Variants in GZMH observed in about 807,000 individuals in gnomAD.
The protein encoded by GZMH is granzyme H, also known as cathepsin G-like 2, protein h-CCPX.
Under a neutral mutation model 20.7 loss-of-function variants are expected in GZMH, and 24 were observed. The ratio of observed to expected loss-of-function variants is 1.16; its 90% CI spans 0.84 to 1.63. The LOEUF (loss-of-function observed/expected upper bound fraction) is 1.63. GZMH is among the 40% of genes most tolerant of loss of function. GZMH has a pLI of 0.00. For missense variants in GZMH, 344 were observed against 302.7 expected, an observed-to-expected ratio of 1.14 and a Z score of -1.01; for synonymous variants, 119 against 116.1, an observed-to-expected ratio of 1.02 and a Z score of -0.16.
chr14:24,608,345 C>T lies in GZMH; in HGVS notation c.123G>A (p.Leu41=). ...SRPYMAFVQF[L]QEKSRKRCGG... is the part of the protein sequence containing the mutation. ...CACACCTCTTCCGACTCTTCTCTTG[C>T]AGAAACTGAACAAAGGCCATGTAGG... The change falls in exon 2 of 5, where the codon CTG becomes CTA. Residue 41 remains leucine, a synonymous_variant. Coordinates refer to ENST00000216338, the MANE Select transcript of GZMH (RefSeq NM_033423.5). The T allele has an allele frequency of 6.2e-7, 1 of 1,614,222 alleles. No homozygotes were observed. Among genetic ancestry groups the T allele is most frequent in the Non-Finnish European group, 8.5e-7 (1 of 1,180,026 alleles).
intron 4 of GZMH, 140 bp downstream of exon 4, chr14:24,607,009 C>T (rs1352402463): frequency 1.1e-6 from 1 of 911,858 alleles, no homozygotes; most frequent in Non-Finnish European, 1.7e-6. Flanking sequence ...AAGGAGTGGA[C>T]TAAAGACTAG....
intron 4 of GZMH, 151 bp downstream of exon 4, chr14:24,606,998 C>G: frequency 1.2e-6 from 1 of 841,236 alleles, no homozygotes; most frequent in Non-Finnish European, 1.9e-6. Context: ...CCAGTCCACC[C>G]AAGGAGTGGA....
chr14:24,607,060 G>T, intron 4 of GZMH, 89 bp downstream of exon 4: 1 of 1,344,714 alleles, frequency 7.4e-7, no homozygotes, highest in Non-Finnish European at 1.0e-6. Context: ...TGGGCTGAGA[G>T]CATAAAGATC....
intron 4 of GZMH, 150 bp from the exon 5 acceptor site, chr14:24,606,896 G>T: frequency 1.3e-6 from 1 of 794,644 alleles, no homozygotes; most frequent in Non-Finnish European, 2.0e-6. Context: ...GTGCTTTCTG[G>T]CTCTCCCCAG....
chr14:24,608,297 G>C lies in GZMH; in HGVS notation c.171C>G (p.Asp57Glu). The C allele has an allele frequency of 6.2e-7, 1 of 1,614,198 alleles. No individual in the cohort carries two copies. ...GGCAGTGAGCAGCTGTCAGCACAAAGTCCTTTCTCACTAGGATGCCGCCAC... is the reference window on the plus strand; with the variant it reads ...GGCAGTGAGCAGCTGTCAGCACAAACTCCTTTCTCACTAGGATGCCGCCAC... Reference protein sequence around the residue: ...KRCGGILVRKDFVLTAAHCQG... With the variant: ...KRCGGILVRKEFVLTAAHCQG... The change falls in exon 2 of 5, where the codon GAC becomes GAG. Residue 57 changes from aspartate to glutamate, a missense_variant. By Grantham distance (45) the Asp-to-Glu change is conservative. Transcript: ENST00000216338.
chr14:24,609,489 A>G, intron 1 of GZMH, 70 bp downstream of exon 1: 1 of 983,596 alleles, frequency 1.0e-6, no homozygotes, highest in Admixed American at 2.5e-5. Context: ...AAAATTCCTG[A>G]CCAGTGCTCA....
At position 24,606,497 on chromosome 14, in the gene GZMH, A is replaced by T; in HGVS notation, c.*106T>A. The T allele has an allele frequency of 2.2e-6, 2 of 905,440 alleles. No homozygotes were observed. The highest frequency in any genetic ancestry group is 2.5e-5 in the East Asian group (1 of 40,616). The allele number at this position is 905,440 out of a possible 1,614,324, so 56.1% of individuals were successfully genotyped here. A position where few individuals can be genotyped will look rare whatever the true frequency, so the allele number is the denominator to read the frequency against. On this transcript the variant is annotated 3_prime_UTR_variant, in exon 5 of 5. Transcript: ENST00000216338. ...GACTTCAGTCATATTTACACCAGAG[A>T]TCCATTTATTACAGTCCTGCAACCC... is the stretch of plus-strand genomic sequence containing the variant.
At chr14:24,607,793 A>G in intron 2 of GZMH, 46 bp from the exon 3 acceptor site, 2 of 1,613,758 alleles carry the variant, frequency 1.2e-6, no homozygotes, top group Non-Finnish European at 1.7e-6. Context: ...CACAGGGGAT[A>G]GAGCCCAGGA....
rs1566561512 is a variant in GZMH at position 24,607,319 on chromosome 14, T to G, written c.427A>C (p.Ser143Arg). Residue 143 changes from serine to arginine, a missense_variant, in exon 4 of 5, where the codon AGT becomes CGT. Physicochemically the swap from Ser to Arg is moderately radical, Grantham distance 110. Coordinates refer to ENST00000216338, the MANE Select transcript of GZMH (RefSeq NM_033423.5). ...GAGACATAACCCCAGCCAGCCACAC[T>G]GCACAGCTGCCCTGGCTTCACCTGG... ...KAQVKPGQLC[S>R]VAGWGYVSMS... The G allele has an allele frequency of 6.2e-7, 1 of 1,613,824 alleles. No homozygotes were observed. The highest frequency in any genetic ancestry group is 8.5e-7 in the Non-Finnish European group (1 of 1,179,820).
In GZMH at chr14:24,607,370, G is replaced by C; in HGVS notation, c.376C>G (p.Pro126Ala). 1 of 1,607,882 alleles carries C rather than the reference G, an allele frequency of 6.2e-7. No individual in the cohort carries two copies. Among genetic ancestry groups the C allele is most frequent in the Non-Finnish European group, 8.5e-7 (1 of 1,175,392 alleles). The change falls in exon 4 of 5, where the codon CCT becomes GCT. Residue 126 changes from proline to alanine, a missense_variant. Coordinates refer to ENST00000216338, the MANE Select transcript of GZMH (RefSeq NM_033423.5). ...RKAKWTTAVR[P>A]LRLPSSKAQV... Reference sequence around the variant, plus strand: ...GCCTTGCTGCTAGGTAGCCTGAGAGGCCGCACAGCTGTGGTCCACTTGGCC... The same window carrying C: ...GCCTTGCTGCTAGGTAGCCTGAGAGCCCGCACAGCTGTGGTCCACTTGGCC...
rs778850314 is a variant in GZMH at position 24,608,326 on chromosome 14, T to C, written c.142A>G (p.Arg48Gly). The C allele has an allele frequency of 1.2e-5, 19 of 1,614,188 alleles. No homozygotes were observed. The Middle Eastern group carries it at 3.0e-3, about 252-fold the overall frequency. The change falls in exon 2 of 5, where the codon AGG (arginine) becomes GGG (glycine). Residue 48 changes from arginine to glycine, a missense_variant. Transcript: ENST00000216338. ...TTTCTCACTAGGATGCCGCCACACC[T>C]CTTCCGACTCTTCTCTTGCAGAAAC... ...VQFLQEKSRK[R>G]CGGILVRKDF...
Position 24,608,264 on chromosome 14 carries a change from C to T in GZMH, c.203+1G>A. Reference sequence around the variant, plus strand: ...GGAGGTGAGCTGGTGCTGCTCCTTACCTTCCCTGGCAGTGAGCAGCTGTCA... The same window carrying T: ...GGAGGTGAGCTGGTGCTGCTCCTTATCTTCCCTGGCAGTGAGCAGCTGTCA... On this transcript the variant is annotated splice_donor_variant, in intron 2 of 4. Coordinates refer to ENST00000216338, the MANE Select transcript of GZMH (RefSeq NM_033423.5). LOFTEE classifies it high-confidence loss of function. The T allele has an allele frequency of 6.2e-7, 1 of 1,614,150 alleles. No individual in the cohort carries two copies. The highest frequency in any genetic ancestry group is 8.5e-7 in the Non-Finnish European group (1 of 1,179,992).
chr14:24,608,404 T>C lies in GZMH; in HGVS notation c.64A>G (p.Ile22Val), dbSNP rs1207636557. The C allele has an allele frequency of 1.2e-6, 2 of 1,613,980 alleles. No individual in the cohort carries two copies. Among genetic ancestry groups the C allele is most frequent in the East Asian group, 2.2e-5 (1 of 44,880 alleles). Residue 22 changes from isoleucine (I) to valine (V), a missense_variant, in exon 2 of 5, where the codon ATC (isoleucine) becomes GTC (valine). Transcript: ENST00000216338. ...LTPGAGTEEI[I>V]GGHEAKPHSR... ...TGGGGCTTGGCCTCATGGCCCCCGA[T>C]GATCTCCTCTGAAAGGAAAGACTGG...
chr14:24,609,626 G>C lies in GZMH; in HGVS notation c.-13C>G, dbSNP rs766111316. 4.4e-6 allele frequency: 7 copies of C among 1,608,440 alleles called. No individual in the cohort carries two copies. In the South Asian group the frequency reaches 4.4e-5, roughly 10 times the overall value. ...GGAATGGCTGCATTTTCTCAGGAAG[G>C]CTGCCCAGGTCAGAGCTGTTGGTGT... On this transcript the variant is annotated 5_prime_UTR_variant, in exon 1 of 5. Coordinates refer to ENST00000216338, the MANE Select transcript of GZMH (RefSeq NM_033423.5).
At position 24,607,157 on chromosome 14, in the gene GZMH, C is replaced by A; in HGVS notation, c.589G>T (p.Gly197Cys). The A allele has an allele frequency of 6.2e-7, 1 of 1,611,698 alleles. No individual in the cohort carries two copies. The highest frequency in any genetic ancestry group is 8.5e-7 in the Non-Finnish European group (1 of 1,178,320). ...CVGDPKKTQT[G>C]FKGDSGGPLV... Reference sequence around the variant, plus strand: ...GAGGCTGGAAACCCAACCTTGAAACCGGTCTGTGTCTTCTTTGGATCCCCC... The same window carrying A: ...GAGGCTGGAAACCCAACCTTGAAACAGGTCTGTGTCTTCTTTGGATCCCCC... Residue 197 changes from glycine to cysteine, a missense_variant, in exon 4 of 5, where the codon GGT (glycine) becomes TGT (cysteine). Transcript: ENST00000216338.
At chr14:24,607,051 G>A (rs1360055391) in intron 4 of GZMH, 98 bp downstream of exon 4, 18 of 1,293,600 alleles carry the variant, frequency 1.4e-5, no homozygotes, top group Non-Finnish European at 1.7e-5. Flanking sequence ...CCCAAGCTCT[G>A]GGCTGAGAGC....
chr14:24,607,025 A>C (rs1555339784), intron 4 of GZMH, 124 bp downstream of exon 4: 2 of 1,027,758 alleles, frequency 1.9e-6, no homozygotes, highest in South Asian at 1.5e-5. Flanking sequence ...ACTAGATTCC[A>C]GGGGGACACA....
At position 24,607,170 on chromosome 14, in the gene GZMH, C is replaced by T; in HGVS notation, c.576G>A (p.Lys192=). Reference sequence around the variant, plus strand: ...CAACCTTGAAACCGGTCTGTGTCTTCTTTGGATCCCCCACACAAATCTCAG... The same window carrying T: ...CAACCTTGAAACCGGTCTGTGTCTTTTTTGGATCCCCCACACAAATCTCAG... ...RATEICVGDP[K]KTQTGFKGDS... The change falls in exon 4 of 5, where the codon AAG becomes AAA. Residue 192 remains lysine (K), a synonymous_variant. Coordinates refer to ENST00000216338, the MANE Select transcript of GZMH (RefSeq NM_033423.5). The T allele has an allele frequency of 6.2e-7, 1 of 1,613,566 alleles. No individual in the cohort carries two copies. The highest frequency in any genetic ancestry group is 8.5e-7 in the Non-Finnish European group (1 of 1,179,634).
At chr14:24,607,867 C>T in intron 2 of GZMH, 120 bp from the exon 3 acceptor site, 1 of 1,453,406 alleles carries the variant, frequency 6.9e-7, no homozygotes, top group African/African-American at 1.4e-5. Flanking sequence ...GTTGAAGGGA[C>T]AGGAGGGCTC....
Sources: gnomAD v4.1 joint callset for allele counts on GRCh38, gnomAD v4.1.1 for gene constraint, MANE v1.5 for transcripts, NCBI Gene and HGNC (gene_info 2026-07-23, HGNC 2026-07-21) for gene names.